The following NKAIN3 variants were observed in gnomAD, a reference collection of about 807,000 sequenced individuals.
The protein encoded by NKAIN3 is sodium/potassium transporting ATPase interacting 3.
NKAIN3 carries 25 observed loss-of-function variants against 30.2 expected under a neutral mutation model. The observed-to-expected ratio is 0.83, with a 90% CI of 0.60 to 1.16. NKAIN3 has a LOEUF of 1.16. NKAIN3 is among the 50% of genes most tolerant of loss of function. NKAIN3 has a pLI of 0.00. For synonymous variants in NKAIN3, 91 were observed against 89.6 expected (o/e 1.02, Z -0.09); for missense variants, 225 against 254.1 (o/e 0.89, Z 0.78).
intron 1 of NKAIN3, among the ~76,000 whole-genome samples, chr8:62,312,332 G>A (rs1248926749): frequency 6.6e-6 from 1 of 150,442 alleles, no homozygotes; most frequent in Non-Finnish European, 1.5e-5. Flanking sequence ...TAAAAATTAG[G>A]GTTTGGAAGA....
At chr8:62,883,457 G>GTTGTTGTTTTTTTTTTTTTTTTTTTT in intron 4 of NKAIN3, among the ~76,000 whole-genome samples, 10 of 70,222 alleles carry the variant, frequency 1.4e-4, no homozygotes, top group South Asian at 6.2e-4. Context: ...AGTTTTATGG[G>GTTGTTGTTTTTTTTTTTTTTTTTTTT]TTTTTTTTTT....
At chr8:62,456,218 G>A (rs1199657588) in intron 1 of NKAIN3, among the ~76,000 whole-genome samples, 2 of 152,148 alleles carry the variant, frequency 1.3e-5, no homozygotes, top group African/African-American at 4.8e-5. Flanking sequence ...TACAGTACTA[G>A]AAGTCTTAAG....
intron 2 of NKAIN3, among the ~76,000 whole-genome samples, chr8:62,584,146 CT>C (rs1810399337): frequency 6.6e-6 from 1 of 152,052 alleles, no homozygotes; most frequent in African/African-American, 2.4e-5. Context: ...GGGGAAAGAG[CT>C]TTTTCATTGC....
chr8:62,835,964 A>G (rs1312607816), intron 4 of NKAIN3, among the ~76,000 whole-genome samples: 1 of 152,148 alleles, frequency 6.6e-6, no homozygotes, highest in African/African-American at 2.4e-5. Context: ...GATTGGATAA[A>G]GACAATGTGG....
At chr8:62,516,714 C>A (rs1314233996) in intron 1 of NKAIN3, among the ~76,000 whole-genome samples, 1 of 152,046 alleles carries the variant, frequency 6.6e-6, no homozygotes, top group Non-Finnish European at 1.5e-5. Context: ...TTTATGGATT[C>A]TTGGCTAAGT....
intron 4 of NKAIN3, among the ~76,000 whole-genome samples, chr8:62,779,386 C>T (rs973882788): frequency 1.3e-5 from 2 of 152,144 alleles, no homozygotes; most frequent in African/African-American, 4.8e-5. Context: ...TAAGTTCTGA[C>T]CACTGGCATG....
At chr8:62,478,925 A>G (rs948792386) in intron 1 of NKAIN3, among the ~76,000 whole-genome samples, 1 of 152,176 alleles carries the variant, frequency 6.6e-6, no homozygotes, top group Non-Finnish European at 1.5e-5. Context: ...GGTTCTCGCA[A>G]GGAGGTTCTT....
Position 62,734,251 on chromosome 8 carries a change from C to G in NKAIN3, c.274-12681C>G, listed in dbSNP as rs117014305. ...TGAACCGAGACTGAGCCTCTGCACT[C>G]CAGCCTGGGTGACAGAGCAAGTTCC... On this transcript the variant is annotated intron_variant, in intron 3 of 6. Transcript: ENST00000623646. Among the ~76,000 whole-genome samples the G allele has an allele frequency of 4.6e-5, 7 of 152,266 alleles. 1 individual carries two copies. The East Asian group carries it at 1.3e-3, about 29-fold the overall frequency.
downstream of NKAIN3, among the ~76,000 whole-genome samples, chr8:62,986,101 G>A (rs143834574): frequency 5.7e-3 from 873 of 152,248 alleles, 8 homozygotes; most frequent in African/African-American, 0.02. Flanking sequence ...CATATTGTAT[G>A]GCAGACACAT....
chr8:62,786,360 T>C (rs1282387250), intron 4 of NKAIN3, among the ~76,000 whole-genome samples: 1 of 152,098 alleles, frequency 6.6e-6, no homozygotes, highest in Non-Finnish European at 1.5e-5. Context: ...CTTTCATTTT[T>C]ATATATTGCA....
chr8:62,329,161 A>G (rs111435564), intron 1 of NKAIN3, among the ~76,000 whole-genome samples: 1 of 151,972 alleles, frequency 6.6e-6, no homozygotes, highest in African/African-American at 2.4e-5. Context: ...TGACACTCTA[A>G]TTGCAGCCTC....
chr8:62,855,655 GTGC>G lies in NKAIN3; in HGVS notation c.472-62791_472-62789del, dbSNP rs1355643427. ...AGGCCAAGGCCTCCAGGTTCCTGAA[GTGC>G]TGCTGCAGCCCAGGGTTCTCAAAGC... is the stretch of plus-strand genomic sequence containing the variant. On this transcript the variant is annotated intron_variant, in intron 4 of 6. Coordinates refer to ENST00000623646, the MANE Select transcript of NKAIN3 (RefSeq NM_001304533.3). 1.9e-5 allele frequency: 30 copies of G among 1,604,250 alleles called. No individual in the cohort carries two copies. The African/African-American group carries it at 4.0e-4, about 21-fold the overall frequency.
chr8:62,813,284 C>T (rs1818552827), intron 4 of NKAIN3, among the ~76,000 whole-genome samples: 1 of 151,956 alleles, frequency 6.6e-6, no homozygotes, highest in Non-Finnish European at 1.5e-5. Context: ...TAATATAACG[C>T]CTGCAACATT....
chr8:62,683,430 C>T (rs1813706366), intron 3 of NKAIN3, among the ~76,000 whole-genome samples: 1 of 152,062 alleles, frequency 6.6e-6, no homozygotes, highest in East Asian at 1.9e-4. Flanking sequence ...TAAGGAGTTA[C>T]CAAAGGTCAA....
At chr8:62,298,114 A>G (rs1813903530) in intron 1 of NKAIN3, among the ~76,000 whole-genome samples, 1 of 143,036 alleles carries the variant, frequency 7.0e-6, no homozygotes, top group Non-Finnish European at 1.5e-5. Flanking sequence ...ATAGGTGGGA[A>G]TTGAACAATG....
At chr8:62,858,389 C>T (rs958083972) in intron 4 of NKAIN3, among the ~76,000 whole-genome samples, 4 of 152,270 alleles carry the variant, frequency 2.6e-5, no homozygotes, top group African/African-American at 7.2e-5. Flanking sequence ...GAGCAGCATG[C>T]GTGTTGGGGA....
At chr8:62,623,716 T>C (rs1811695777) in intron 3 of NKAIN3, among the ~76,000 whole-genome samples, 1 of 152,098 alleles carries the variant, frequency 6.6e-6, no homozygotes, top group South Asian at 2.1e-4. Context: ...GTTTTATTTC[T>C]CCTCCACTTT....
At chr8:62,518,375 A>G (rs562832870) in intron 1 of NKAIN3, among the ~76,000 whole-genome samples, 3 of 152,202 alleles carry the variant, frequency 2.0e-5, no homozygotes, top group Admixed American at 2.0e-4. Flanking sequence ...ACAAAAAAAG[A>G]TATCCAGTTG....
At chr8:62,301,561 A>G (rs1814051252) in intron 1 of NKAIN3, among the ~76,000 whole-genome samples, 1 of 152,116 alleles carries the variant, frequency 6.6e-6, no homozygotes, top group South Asian at 2.1e-4. Context: ...ACAGCCCATT[A>G]CATATTCAGT....
Sources: gnomAD v4.1 joint callset for allele counts (sites outside exome capture counted in the v4.1 genomes callset) on GRCh38, gnomAD v4.1.1 for gene constraint, MANE v1.5 for transcripts, NCBI Gene and HGNC (gene_info 2026-07-23, HGNC 2026-07-21) for gene names.